The following ALOX15 variants were observed in gnomAD, a reference collection of about 807,000 sequenced individuals.
ALOX15 encodes the protein polyunsaturated fatty acid lipoxygenase ALOX15.
A neutral mutation model predicts 71.7 loss-of-function variants in ALOX15; 68 were observed. That is an observed-to-expected ratio of 0.95 (90% CI 0.78 to 1.16). The LOEUF (loss-of-function observed/expected upper bound fraction) is 1.16, where lower values mean the gene tolerates loss of function less well. Among genes scored for constraint, ALOX15 ranks in the 50% most tolerant of loss-of-function variants. The pLI is 0.00. For missense variants in ALOX15, 798 were observed against 818.8 expected (o/e 0.97, Z 0.31); for synonymous variants, 346 against 333.3 (o/e 1.04, Z -0.42).
At chr17:4,632,364 G>A (rs1910942640) in intron 11 of ALOX15, 83 bp from the exon 12 acceptor site, 6 of 1,132,910 alleles carry the variant, frequency 5.3e-6, no homozygotes, top group Admixed American at 1.9e-5. Flanking sequence ...AGGAGAACAA[G>A]GGCGAGAAAG....
At chr17:4,635,723 T>G (rs778318334) in intron 8 of ALOX15, 36 bp downstream of exon 8, 2 of 1,607,586 alleles carry the variant, frequency 1.2e-6, no homozygotes, top group Non-Finnish European at 8.5e-7. Context: ...GGGGCAGAGA[T>G]AGTGGCAGGC....
At chr17:4,640,755 GGCAGGGAC>G (rs1911293892) in intron 1 of ALOX15, among the ~76,000 whole-genome samples, 2 of 151,426 alleles carry the variant, frequency 1.3e-5, no homozygotes, top group African/African-American at 2.4e-5. Context: ...ACGGATATTG[GGCAGGGAC>G]GCGGGAGATG....
At position 4,635,876 on chromosome 17, in the gene ALOX15, G is replaced by A; in HGVS notation, c.1044C>T (p.Arg348=). Residue 348 remains arginine, a synonymous_variant, in exon 8 of 14, where the codon CGC becomes CGT. Coordinates refer to ENST00000293761, the MANE Select transcript of ALOX15 (RefSeq NM_001140.5). The part of the protein sequence containing the change: ...MAWLLAKCWV[R]SSDFQLHELQ... ...GCTCATGGAGCTGGAAGTCAGAGCT[G>A]CGCACCCAGCATTTGGCCAGAAGCC... is the stretch of plus-strand genomic sequence containing the variant. 4 of 1,614,242 alleles carry A rather than the reference G, an allele frequency of 2.5e-6. No homozygotes were observed. The highest frequency in any genetic ancestry group is 3.4e-6 in the Non-Finnish European group (4 of 1,180,050).
chr17:4,641,246 C>G (rs546416784), intron 1 of ALOX15, among the ~76,000 whole-genome samples: 1 of 151,766 alleles, frequency 6.6e-6, no homozygotes, highest in East Asian at 2.0e-4. Context: ...AGTTTCCAGA[C>G]AAGGGAGCTT....
At position 4,639,126 on chromosome 17, in the gene ALOX15, G is replaced by A; in HGVS notation, c.344C>T (p.Thr115Ile). 6.2e-7 allele frequency: 1 copy of A among 1,614,174 alleles called. No individual in the cohort carries two copies. The highest frequency in any genetic ancestry group is 8.5e-7 in the Non-Finnish European group (1 of 1,180,046). ...CAGGCCCTGAGGGTCCTCGCCCACA[G>A]TGCGGCCTAGAAGGACAGAGGAGGA... ...VLSLPEGTGR[T>I]VGEDPQGLFQ... The change falls in exon 3 of 14, where the codon ACT becomes ATT. Residue 115 changes from threonine (T) to isoleucine (I), a missense_variant. Around this residue, in one of 3 missense-constraint regions of ALOX15, gnomAD observed 300 missense variants for 283.1 expected, o/e 1.06. Coordinates refer to ENST00000293761, the MANE Select transcript of ALOX15 (RefSeq NM_001140.5).
At chr17:4,641,364 C>T (rs1567649669) in intron 1 of ALOX15, among the ~76,000 whole-genome samples, 153 bp downstream of exon 1, 2 of 152,232 alleles carry the variant, frequency 1.3e-5, no homozygotes, top group Non-Finnish European at 2.9e-5. Context: ...TAAAGCCCCC[C>T]ACCCCCGTGG....
intron 8 of ALOX15, among the ~76,000 whole-genome samples, chr17:4,634,095 T>C (rs1393445096): frequency 1.3e-5 from 2 of 152,176 alleles, no homozygotes. Flanking sequence ...GCTTATTACC[T>C]GGTGACAAAA....
At chr17:4,636,907 C>T (rs752877228) in intron 7 of ALOX15, among the ~76,000 whole-genome samples, 2 of 152,180 alleles carry the variant, frequency 1.3e-5, no homozygotes, top group East Asian at 1.9e-4. Flanking sequence ...GGGACTTCCT[C>T]AGTCCTGGAG....
intron 7 of ALOX15, among the ~76,000 whole-genome samples, chr17:4,636,203 G>A (rs1057411261): frequency 4.6e-5 from 7 of 152,048 alleles, no homozygotes; most frequent in African/African-American, 1.7e-4. Context: ...TGCTCTTCTG[G>A]TGCCTCCTCC....
intron 7 of ALOX15, 132 bp downstream of exon 7, chr17:4,636,983 G>A (rs1911120674): frequency 3.6e-6 from 4 of 1,115,968 alleles, no homozygotes; most frequent in African/African-American, 1.6e-5. Flanking sequence ...GAGACTTGGC[G>A]CATTTCCTCC....
chr17:4,632,011 G>A lies in ALOX15; in HGVS notation c.1687C>T (p.Leu563=). ...WVPNAPCTMR[L]PPPTTKDATL... is the part of the protein sequence containing the mutation. ...GCATCCTTGGTGGTTGGCGGGGGCA[G>A]CCGCATCGTGCAGGGTGCATTAGGC... is the stretch of plus-strand genomic sequence containing the variant. The change falls in exon 13 of 14, where the codon CTG becomes TTG. Residue 563 remains leucine, a synonymous_variant. Transcript: ENST00000293761. 6.2e-7 allele frequency: 1 copy of A among 1,613,724 alleles called. No individual in the cohort carries two copies. Among genetic ancestry groups the A allele is most frequent in the Non-Finnish European group, 8.5e-7 (1 of 1,179,938 alleles).
chr17:4,637,085 A>T, intron 7 of ALOX15, 30 bp downstream of exon 7: 1 of 1,589,662 alleles, frequency 6.3e-7, no homozygotes, highest in South Asian at 1.1e-5. Context: ...AAAGCCAGAG[A>T]CTGGGAGCAG....
chr17:4,635,379 A>G (rs901676110), intron 8 of ALOX15, among the ~76,000 whole-genome samples: 3 of 151,530 alleles, frequency 2.0e-5, no homozygotes. Context: ...GGTTGCAGTG[A>G]GCCGAGATCG....
In ALOX15 at chr17:4,637,100, C is replaced by T. The variant is rs562607075; in HGVS notation, c.951+15G>A. On this transcript the variant is annotated intron_variant, in intron 7 of 13. Transcript: ENST00000293761. The stretch of plus-strand genomic sequence containing the variant: ...AAAGCCAGAGACTGGGAGCAGAAAT[C>T]CTGAGTCCTCTCACCTGGATGACCA... The T allele has an allele frequency of 1.9e-5, 31 of 1,599,836 alleles. 1 individual carries two copies. The South Asian group carries it at 3.3e-4, about 17-fold the overall frequency.
At chr17:4,641,418 G>C in intron 1 of ALOX15, 99 bp downstream of exon 1, 1 of 1,506,274 alleles carries the variant, frequency 6.6e-7, no homozygotes, top group East Asian at 2.3e-5. Context: ...TTGGCAAAGA[G>C]AATCGGCCAG....
At chr17:4,638,535 G>A in intron 5 of ALOX15, 46 bp downstream of exon 5, 1 of 1,591,080 alleles carries the variant, frequency 6.3e-7, no homozygotes, top group South Asian at 1.1e-5. Flanking sequence ...GTGGGATCTG[G>A]GTGGGATCTG....
Position 4,632,946 on chromosome 17 carries a change from T to C in ALOX15, c.1455A>G (p.Thr485=), listed in dbSNP as rs743646. 0.1 allele frequency: 165,848 copies of C among 1,614,058 alleles called. 9,366 individuals are homozygous for C. Among genetic ancestry groups the C allele is most frequent in the Middle Eastern group, 0.12 (714 of 6,060 alleles). The change falls in exon 11 of 14, where the codon ACA becomes ACG. Residue 485 remains threonine (T), a synonymous_variant. Transcript: ENST00000293761. The stretch of plus-strand genomic sequence containing the variant: ...CTGGGTCGTCTTTCACAGCCACGTC[T>C]GTCTTATAGTGGAGACTCACGATTC... ...VEGIVSLHYK[T]DVAVKDDPEL...
chr17:4,632,767 A>G, intron 11 of ALOX15, 94 bp downstream of exon 11: 6 of 1,583,472 alleles, frequency 3.8e-6, no homozygotes, highest in Non-Finnish European at 4.3e-6. Flanking sequence ...TAGGTGTTGA[A>G]AATGCTTCTG....
In ALOX15 at chr17:4,639,415, C is replaced by T. The variant is rs762249534; in HGVS notation, c.337+15G>A. On this transcript the variant is annotated intron_variant, in intron 2 of 13. Transcript: ENST00000293761. ...CAGCCCAGAGGCCTCCTGACACCCT[C>T]AGCCCCGCGCTTACCGGTGCCTTCA... 6.2e-7 allele frequency: 1 copy of T among 1,613,230 alleles called. No homozygotes were observed. Among genetic ancestry groups the T allele is most frequent in the South Asian group, 1.1e-5 (1 of 91,062 alleles).
Sources: gnomAD v4.1 joint callset for allele counts (sites outside exome capture counted in the v4.1 genomes callset) on GRCh38, gnomAD v4.1.1 for gene constraint, gnomAD v4.1.1 regional missense constraint, MANE v1.5 for transcripts, NCBI Gene and HGNC (gene_info 2026-07-23, HGNC 2026-07-21) for gene names.